The following LARP4B variants were observed in gnomAD, a reference collection of about 807,000 sequenced individuals.
LARP4B encodes la-related protein 4B.
Under a neutral mutation model 89.8 loss-of-function variants are expected in LARP4B, and 12 were observed. The ratio of observed to expected loss-of-function variants is 0.13; its 90% CI spans 0.09 to 0.22. The LOEUF (loss-of-function observed/expected upper bound fraction) is 0.22. Ranked by LOEUF, LARP4B falls within the 10% of genes least tolerant of loss-of-function variation. The probability of loss-of-function intolerance (pLI) is 1.00; values close to 1 mark genes in which losing one functional copy is unlikely to be tolerated. For missense variants in LARP4B, 757 were observed against 947.7 expected (o/e 0.80, Z 2.64); for synonymous variants, 367 against 363.3 (o/e 1.01, Z -0.12).
At position 814,014 on chromosome 10, in the gene LARP4B, G is replaced by T. The variant is rs1831884948; in HGVS notation, c.1929+728C>A. Among the ~76,000 whole-genome samples, 1 of 151,978 alleles carries T rather than the reference G, an allele frequency of 6.6e-6. No individual in the cohort carries two copies. The highest frequency in any genetic ancestry group is 6.5e-5 in the Admixed American group (1 of 15,270). ...GACAGGGTTTCACCATGTTGTTCAG[G>T]ACTGTCTGGATCTCCTGACCGCATG... On this transcript the variant is annotated intron_variant, in intron 17 of 17. Transcript: ENST00000316157. This position sits in a 1 kb window ranked among gnomAD's most constrained non-coding sequence, Gnocchi z 4.4.
chr10:865,583 C>T (rs1469287445), intron 3 of LARP4B, among the ~76,000 whole-genome samples: 2 of 152,142 alleles, frequency 1.3e-5, no homozygotes, highest in Non-Finnish European at 2.9e-5. Flanking sequence ...TGCCCAGAGA[C>T]TGGGGACTGG....
At chr10:840,418 C>CA (rs1191806728) in intron 7 of LARP4B, among the ~76,000 whole-genome samples, 3 of 152,180 alleles carry the variant, frequency 2.0e-5, no homozygotes, top group Non-Finnish European at 2.9e-5. Context: ...TACACACCCC[C>CA]AAGCTTTATA....
chr10:977,546 GAAA>G, the LARP4B span, among the ~76,000 whole-genome samples: 1 of 124,770 alleles, frequency 8.0e-6, no homozygotes. Flanking sequence ...TCCTATCTCA[GAAA>G]AAAAAAAAAA....
intron 15 of LARP4B, among the ~76,000 whole-genome samples, chr10:817,134 G>A (rs1373945443): frequency 1.3e-5 from 2 of 152,192 alleles, no homozygotes; most frequent in East Asian, 3.9e-4. Context: ...GCCAGGTGTG[G>A]CAGCCGGCCA....
the LARP4B span, among the ~76,000 whole-genome samples, chr10:959,376 A>G: frequency 8.8e-3 from 814 of 92,494 alleles, 3 homozygotes; most frequent in African/African-American, 0.027. Flanking sequence ...CCACCTCCTC[A>G]TCAATCCCAC....
upstream of LARP4B, among the ~76,000 whole-genome samples, chr10:932,651 A>C (rs1196131028): frequency 1.4e-4 from 3 of 20,958 alleles, no homozygotes; most frequent in South Asian, 1.9e-3. Flanking sequence ...CCAAACTCCC[A>C]CCCCACACCC....
chr10:987,731 C>T, the LARP4B span: 2 of 152,414 alleles, frequency 1.3e-5, no homozygotes, highest in East Asian at 3.9e-4. Context: ...CCATCCTCAT[C>T]AACCTTCTCC....
intron 5 of LARP4B, among the ~76,000 whole-genome samples, chr10:852,683 A>G (rs936204369): frequency 9.9e-5 from 15 of 152,220 alleles, no homozygotes; most frequent in African/African-American, 3.6e-4. Flanking sequence ...AGAAAGTAAA[A>G]CAGTCTTCAT....
At chr10:971,375 G>C in the LARP4B span, 1 of 152,182 alleles carries the variant, frequency 6.6e-6, no homozygotes, top group Non-Finnish European at 1.5e-5. Flanking sequence ...CTTACATGTA[G>C]AATGTGGAAC....
At chr10:972,367 C>A in the LARP4B span, 1 of 412,762 alleles carries the variant, frequency 2.4e-6, no homozygotes, top group Non-Finnish European at 4.7e-6. Flanking sequence ...AGGGGAAGGC[C>A]CTCACCAGAT....
rs578228323 is a variant in LARP4B at position 895,923 on chromosome 10, A to G, written c.-39-10163T>C. Among the ~76,000 whole-genome samples, 9 of 152,364 alleles carry G rather than the reference A, an allele frequency of 5.9e-5. No individual in the cohort carries two copies. In the South Asian group the frequency reaches 1.9e-3, roughly 32 times the overall value. ...TCCCAGAGTCTCAGTTTTTTAAATA[A>G]CATATTATTTTTATTACACGTCTTC... On this transcript the variant is annotated intron_variant, in intron 1 of 17. Coordinates refer to ENST00000316157, the MANE Select transcript of LARP4B (RefSeq NM_015155.3).
At chr10:910,390 C>A (rs1349340455) in intron 1 of LARP4B, among the ~76,000 whole-genome samples, 1 of 152,178 alleles carries the variant, frequency 6.6e-6, no homozygotes, top group African/African-American at 2.4e-5. Flanking sequence ...TGTAAGACAG[C>A]AGGATTCAGA....
At chr10:841,742 G>A (rs1330658400) in intron 7 of LARP4B, among the ~76,000 whole-genome samples, 1 of 152,148 alleles carries the variant, frequency 6.6e-6, no homozygotes, top group Non-Finnish European at 1.5e-5. Flanking sequence ...ATGACACCAG[G>A]GAGCACGGCG....
At chr10:981,568 TTTTG>T in the LARP4B span, among the ~76,000 whole-genome samples, 1 of 152,180 alleles carries the variant, frequency 6.6e-6, no homozygotes, top group Non-Finnish European at 1.5e-5. Context: ...TGTACTTTTT[TTTTG>T]TTTCGTTTTG....
At chr10:820,375 A>C (rs1832290724) in intron 14 of LARP4B, 1 of 166,396 alleles carries the variant, frequency 6.0e-6, no homozygotes, top group Non-Finnish European at 1.3e-5. Flanking sequence ...AGTATTCGAA[A>C]GTTTTGAAGG....
At chr10:845,297 T>C (rs1373623744) in intron 5 of LARP4B, among the ~76,000 whole-genome samples, 1 of 152,168 alleles carries the variant, frequency 6.6e-6, no homozygotes, top group Non-Finnish European at 1.5e-5. Context: ...ATTAGCAGAG[T>C]TCAGCAGGGG....
intron 7 of LARP4B, among the ~76,000 whole-genome samples, chr10:837,453 T>A (rs930818833): frequency 6.6e-6 from 1 of 152,196 alleles, no homozygotes; most frequent in Non-Finnish European, 1.5e-5. Context: ...AACAGGACTT[T>A]TTGAAAAATT....
chr10:858,349 GC>G (rs1168928651), intron 5 of LARP4B, among the ~76,000 whole-genome samples: 1 of 152,014 alleles, frequency 6.6e-6, no homozygotes, highest in African/African-American at 2.4e-5. Flanking sequence ...ATATCCACAT[GC>G]AAAAACAAAG....
intron 1 of LARP4B, among the ~76,000 whole-genome samples, chr10:923,319 T>C (rs950906223): frequency 2.0e-5 from 3 of 152,162 alleles, no homozygotes; most frequent in Admixed American, 6.5e-5. Flanking sequence ...GTTAAAGCAA[T>C]GAACTAGAAA....
Sources: gnomAD v4.1 joint callset for allele counts (sites outside exome capture counted in the v4.1 genomes callset) on GRCh38, gnomAD v4.1.1 for gene constraint, Gnocchi (gnomAD v3.1) non-coding constraint, MANE v1.5 for transcripts, NCBI Gene and HGNC (gene_info 2026-07-23, HGNC 2026-07-21) for gene names.